TMEM61: variants seen among roughly 807,000 people sequenced by gnomAD.
TMEM61 encodes the protein transmembrane protein 61.
TMEM61 carries 13 observed loss-of-function variants against 12.0 expected under a neutral mutation model. The observed-to-expected ratio is 1.08, with a 90% CI of 0.70 to 1.72. TMEM61 has a LOEUF of 1.72. Among genes scored for constraint, TMEM61 ranks in the 40% most tolerant of loss-of-function variants. The pLI is 0.00. For missense variants in TMEM61, 249 were observed against 276.9 expected (o/e 0.90, Z 0.71); for synonymous variants, 109 against 121.4 (o/e 0.90, Z 0.67).
chr1:54,987,468 C>T (rs1315828923), intron 2 of TMEM61, among the ~76,000 whole-genome samples: 2 of 152,060 alleles, frequency 1.3e-5, no homozygotes, highest in Admixed American at 6.5e-5. Flanking sequence ...TGTAACACCC[C>T]AGATACACTG....
intron 2 of TMEM61, among the ~76,000 whole-genome samples, chr1:54,990,120 G>T (rs1644285196): frequency 6.6e-6 from 1 of 152,108 alleles, no homozygotes; most frequent in Non-Finnish European, 1.5e-5. Context: ...CAAGGATGCT[G>T]GGAGCTCAGA....
At chr1:54,984,055 T>C (rs2101632681) in intron 1 of TMEM61, among the ~76,000 whole-genome samples, 1 of 151,832 alleles carries the variant, frequency 6.6e-6, no homozygotes, top group East Asian at 1.9e-4. Flanking sequence ...CACACACACA[T>C]GCACACACAC....
At chr1:54,988,778 G>A (rs1304002914) in intron 2 of TMEM61, among the ~76,000 whole-genome samples, 2 of 152,180 alleles carry the variant, frequency 1.3e-5, no homozygotes, top group African/African-American at 2.4e-5. Flanking sequence ...GAGAACTGAC[G>A]GTGCCACAGT....
chr1:54,991,184 C>T (rs986681384), intron 2 of TMEM61, among the ~76,000 whole-genome samples: 4 of 152,222 alleles, frequency 2.6e-5, no homozygotes, highest in African/African-American at 9.7e-5. Flanking sequence ...GCCTGCAGAA[C>T]TTGGTCTCTG....
At chr1:54,989,030 G>A (rs908928456) in intron 2 of TMEM61, among the ~76,000 whole-genome samples, 1 of 152,174 alleles carries the variant, frequency 6.6e-6, no homozygotes, top group Admixed American at 6.5e-5. Context: ...TTAGGGAAGC[G>A]TGCACTCTGT....
At chr1:54,988,390 C>T (rs575170470) in intron 2 of TMEM61, among the ~76,000 whole-genome samples, 10 of 152,384 alleles carry the variant, frequency 6.6e-5, no homozygotes, top group African/African-American at 2.4e-4. Context: ...TAGGAGGTCA[C>T]AGGGTGATCG....
intron 2 of TMEM61, among the ~76,000 whole-genome samples, chr1:54,991,497 A>G (rs1036236992): frequency 6.6e-6 from 1 of 152,156 alleles, no homozygotes; most frequent in Non-Finnish European, 1.5e-5. Flanking sequence ...ATCTTTCAAC[A>G]TGAAACACCC....
rs115710348 is a variant in TMEM61, at chr1:54,984,630, G to A, written c.16-1467G>A. Among the ~76,000 whole-genome samples the A allele has an allele frequency of 7.7e-3, 1,171 of 152,328 alleles. 16 individuals carry two copies. The highest frequency in any genetic ancestry group is 0.027 in the African/African-American group (1,123 of 41,554). ...GCTATTATATGCTAGGCACTGAGGG[G>A]ATATAGTGGTGAACAAGGCCAGCAT... is the stretch of plus-strand genomic sequence containing the variant. On this transcript the variant is annotated intron_variant, in intron 1 of 2. Transcript: ENST00000371268.
intron 2 of TMEM61, among the ~76,000 whole-genome samples, chr1:54,991,161 G>C (rs1175789028): frequency 6.6e-6 from 1 of 152,240 alleles, no homozygotes; most frequent in Non-Finnish European, 1.5e-5. Flanking sequence ...TGGGTGATCT[G>C]TCTCAGGGTC....
At chr1:54,985,326 T>A (rs938240363) in intron 1 of TMEM61, among the ~76,000 whole-genome samples, 2 of 152,254 alleles carry the variant, frequency 1.3e-5, no homozygotes, top group East Asian at 3.9e-4. Flanking sequence ...AACCTCTGCC[T>A]CCCAGGTTCA....
chr1:54,981,103 C>A, intron 1 of TMEM61, 23 bp downstream of exon 1: 1 of 1,583,386 alleles, frequency 6.3e-7, no homozygotes, highest in Non-Finnish European at 8.6e-7. Context: ...GGCCTTCTCC[C>A]TCCTTTACGG....
intron 2 of TMEM61, among the ~76,000 whole-genome samples, chr1:54,987,145 G>T (rs74785605): frequency 0.022 from 3,376 of 152,298 alleles, 118 homozygotes; most frequent in African/African-American, 0.075. Flanking sequence ...TCTGGCCTCA[G>T]AGTCTATGCT....
chr1:54,984,024 A>T (rs1644241907), intron 1 of TMEM61, among the ~76,000 whole-genome samples: 1 of 152,124 alleles, frequency 6.6e-6, no homozygotes, highest in Non-Finnish European at 1.5e-5. Flanking sequence ...CCCCTTTTAC[A>T]TGTGTACATT....
At position 54,980,728 on chromosome 1, in the gene TMEM61, CGCCCCACGGCAGCCTCAGA is replaced by C. The variant is rs1411507906; in HGVS notation, c.-332_-314del. On this transcript the variant is annotated 5_prime_UTR_variant, in exon 1 of 3. Coordinates refer to ENST00000371268, the MANE Select transcript of TMEM61 (RefSeq NM_182532.3). ...GGCCCGGGTCCCGCGCTCCCCTGGG[CGCCCCACGGCAGCCTCAGA>C]GCCCCGCGGGGAGCGCGCAGCCCTC... The C allele has an allele frequency of 3.7e-6, 1 of 269,030 alleles. No homozygotes were observed. Among genetic ancestry groups the C allele is most frequent in the Non-Finnish European group, 7.0e-6 (1 of 143,610 alleles). 16.7% of individuals were successfully genotyped at this position (269,030 alleles called of 1,614,324 possible).
At chr1:54,986,602 A>G (rs180834740) in intron 2 of TMEM61, among the ~76,000 whole-genome samples, 156 bp downstream of exon 2, 4 of 152,328 alleles carry the variant, frequency 2.6e-5, no homozygotes, top group East Asian at 3.9e-4. Context: ...GAAGCTGATC[A>G]GTACAGCCCT....
In TMEM61 at chr1:54,983,787, TCTC is replaced by T. The variant is rs758659880; in HGVS notation, c.16-2306_16-2304del. 5.3e-5 allele frequency among the ~76,000 whole-genome samples: 8 copies of T among 152,280 alleles called. 1 individual carries two copies. The East Asian group carries it at 1.3e-3, about 26-fold the overall frequency. ...GAATTTTTTTTCCCAGAAGCAGGTTTCTCCTCTTGACAGCCTCTCCTAGCTCTT... is the reference window on the plus strand; with the variant it reads ...GAATTTTTTTTCCCAGAAGCAGGTTTCTCTTGACAGCCTCTCCTAGCTCTT... On this transcript the variant is annotated intron_variant, in intron 1 of 2. Transcript: ENST00000371268.
chr1:54,988,222 C>G (rs1212330215), intron 2 of TMEM61, among the ~76,000 whole-genome samples: 1 of 152,232 alleles, frequency 6.6e-6, no homozygotes, highest in Non-Finnish European at 1.5e-5. Context: ...ATGCTCTGGA[C>G]CAGAGCCTGC....
In TMEM61 at chr1:54,992,048, C is replaced by T. The variant is rs146092230; in HGVS notation, c.578C>T (p.Pro193Leu). Reference protein sequence around the residue: ...ALDAVSAETTPSATRSCSGLV... With the variant: ...ALDAVSAETTLSATRSCSGLV... ...GATGCCGTTTCTGCGGAGACGACAC[C>T]GAGTGCCACACGCTCCTGCTCAGGC... Residue 193 changes from proline (P) to leucine (L), a missense_variant, in exon 3 of 3, where the codon CCG becomes CTG. Coordinates refer to ENST00000371268, the MANE Select transcript of TMEM61 (RefSeq NM_182532.3). 5 of 1,613,444 alleles carry T rather than the reference C, an allele frequency of 3.1e-6. No individual in the cohort carries two copies. The African/African-American group carries it at 4.0e-5, about 13-fold the overall frequency.
chr1:54,982,217 C>G (rs1366293598), intron 1 of TMEM61, among the ~76,000 whole-genome samples: 1 of 152,126 alleles, frequency 6.6e-6, no homozygotes, highest in Non-Finnish European at 1.5e-5. Flanking sequence ...CATCTGATTC[C>G]CGGAAAACCC....
Sources: gnomAD v4.1 joint callset for allele counts (sites outside exome capture counted in the v4.1 genomes callset) on GRCh38, gnomAD v4.1.1 for gene constraint, MANE v1.5 for transcripts, NCBI Gene and HGNC (gene_info 2026-07-23, HGNC 2026-07-21) for gene names.